Variants in RSL24D1 observed in about 807,000 individuals in gnomAD.
The protein encoded by RSL24D1 is probable ribosome biogenesis protein RLP24.
A neutral mutation model predicts 26.2 loss-of-function variants in RSL24D1; 6 were observed. That is an observed-to-expected ratio of 0.23 (90% CI 0.13 to 0.45). The LOEUF (loss-of-function observed/expected upper bound fraction) is 0.45, where lower values mean the gene tolerates loss of function less well. Ranked by LOEUF, RSL24D1 falls within the 20% of genes least tolerant of loss-of-function variation. The pLI is 0.99. For synonymous variants in RSL24D1, 61 were observed against 59.1 expected (o/e 1.03, Z -0.15); for missense variants, 176 against 202.6 (o/e 0.87, Z 0.80).
intron 1 of RSL24D1, chr15:55,196,512 C>A (rs1894358925): frequency 1.7e-6 from 1 of 575,786 alleles, no homozygotes. Flanking sequence ...AGTGGCCAAA[C>A]AGCCCTCACA....
chr15:55,191,835 G>A (rs969725586), intron 2 of RSL24D1, among the ~76,000 whole-genome samples: 5 of 152,198 alleles, frequency 3.3e-5, no homozygotes, highest in African/African-American at 1.2e-4. Flanking sequence ...TCAGCCACGA[G>A]GTAAATGGTA....
chr15:55,181,234 T>A lies in RSL24D1; in HGVS notation c.*918A>T, dbSNP rs1456272894. On this transcript the variant is annotated 3_prime_UTR_variant, in exon 6 of 6. Transcript: ENST00000260443. ...AAATGTATCTCCTACTTAAATGGGA[T>A]GTGTGGAGGAAGATTTCTTCTTCCA... is the stretch of plus-strand genomic sequence containing the variant. The A allele has an allele frequency of 6.6e-6, 1 of 152,430 alleles. No individual in the cohort carries two copies. Among genetic ancestry groups the A allele is most frequent in the Non-Finnish European group, 1.5e-5 (1 of 68,034 alleles). The allele number at this position is 152,430 out of a possible 1,614,324, so 9.4% of individuals were successfully genotyped here. A position where few individuals can be genotyped will look rare whatever the true frequency, so the allele number is the denominator to read the frequency against.
chr15:55,188,083 T>C (rs1894242628), intron 3 of RSL24D1, among the ~76,000 whole-genome samples: 1 of 152,216 alleles, frequency 6.6e-6, no homozygotes, highest in Non-Finnish European at 1.5e-5. Context: ...ACAAAGGTTG[T>C]TTAATCCATA....
Position 55,196,720 on chromosome 15 carries a change from C to T in RSL24D1, c.81+90G>A, listed in dbSNP as rs551411654. ...CAACGGGAGGAACCCGGGCCAAACA[C>T]GGCAGACGCAGAAGCACCCAGCACC... On this transcript the variant is annotated intron_variant, in intron 1 of 5. Transcript: ENST00000260443. 3.2e-6 allele frequency: 4 copies of T among 1,269,284 alleles called. No individual in the cohort carries two copies. In the Admixed American group the frequency reaches 5.5e-5, roughly 17 times the overall value. The allele number at this position is 1,269,284 out of a possible 1,614,324, so 78.6% of individuals were successfully genotyped here.
intron 3 of RSL24D1, among the ~76,000 whole-genome samples, chr15:55,187,941 T>A (rs1894241047): frequency 6.6e-6 from 1 of 151,004 alleles, no homozygotes; most frequent in African/African-American, 2.4e-5. Context: ...AAATAAAAAA[T>A]AAAAAAAAAT....
chr15:55,182,676 G>GA (rs1468025761), intron 5 of RSL24D1, among the ~76,000 whole-genome samples: 1 of 152,026 alleles, frequency 6.6e-6, no homozygotes, highest in African/African-American at 2.4e-5. Flanking sequence ...ATGTATATGT[G>GA]AAACAAATGC....
intron 3 of RSL24D1, among the ~76,000 whole-genome samples, chr15:55,190,156 G>A (rs1894276867): frequency 6.7e-6 from 1 of 150,338 alleles, no homozygotes; most frequent in African/African-American, 2.5e-5. Flanking sequence ...GCTGAGGCAG[G>A]AGAATTGCTT....
chr15:55,184,287 C>T (rs2140589937), intron 4 of RSL24D1, among the ~76,000 whole-genome samples: 1 of 152,322 alleles, frequency 6.6e-6, no homozygotes, highest in East Asian at 1.9e-4. Flanking sequence ...AATGACATGA[C>T]AGTCTGCCTG....
At chr15:55,186,525 T>C (rs1294318454) in intron 3 of RSL24D1, among the ~76,000 whole-genome samples, 2 of 152,098 alleles carry the variant, frequency 1.3e-5, no homozygotes, top group African/African-American at 2.4e-5. Context: ...CCAAACCTAA[T>C]CTGAAGGAAA....
chr15:55,185,479 A>C, intron 3 of RSL24D1, 54 bp from the exon 4 acceptor site: 13 of 1,206,194 alleles, frequency 1.1e-5, no homozygotes, highest in Non-Finnish European at 1.6e-5. Flanking sequence ...CGGTATGATC[A>C]ACAACTGCAT....
At chr15:55,195,247 G>A (rs1331038151) in intron 1 of RSL24D1, 1 of 152,094 alleles carries the variant, frequency 6.6e-6, no homozygotes, top group African/African-American at 2.4e-5. Flanking sequence ...TTAATTCACA[G>A]AGCAAAAAGA....
At chr15:55,185,010 T>C (rs1485927987) in intron 4 of RSL24D1, among the ~76,000 whole-genome samples, 1 of 152,154 alleles carries the variant, frequency 6.6e-6, no homozygotes, top group Non-Finnish European at 1.5e-5. Flanking sequence ...TCAGAATAAC[T>C]GGTGAGGTCT....
chr15:55,182,396 A>G (rs1894178293), intron 5 of RSL24D1, among the ~76,000 whole-genome samples, 171 bp from the exon 6 acceptor site: 2 of 152,320 alleles, frequency 1.3e-5, no homozygotes, highest in Admixed American at 6.5e-5. Flanking sequence ...TGCATCAAAT[A>G]AACATTCTAC....
chr15:55,181,822 T>C lies in RSL24D1; in HGVS notation c.*330A>G, dbSNP rs962184498. ...AAGAATATTTTATTTTATACATCAC[T>C]AGCCATGAATTTTTGCCATTAGTTA... On this transcript the variant is annotated 3_prime_UTR_variant, in exon 6 of 6. Coordinates refer to ENST00000260443, the MANE Select transcript of RSL24D1 (RefSeq NM_016304.3). 4.9e-6 allele frequency: 1 copy of C among 203,426 alleles called. No homozygotes were observed. Among genetic ancestry groups the C allele is most frequent in the East Asian group, 1.1e-4 (1 of 9,022 alleles). The allele number at this position is 203,426 out of a possible 1,614,324, so 12.6% of individuals were successfully genotyped here.
chr15:55,190,095 A>G (rs1039614662), intron 3 of RSL24D1, among the ~76,000 whole-genome samples: 9 of 152,112 alleles, frequency 5.9e-5, no homozygotes, highest in Admixed American at 5.9e-4. Flanking sequence ...TAAAAATACA[A>G]AAATTAGCCA....
At chr15:55,190,585 C>G (rs951569848) in intron 3 of RSL24D1, among the ~76,000 whole-genome samples, 2 of 152,102 alleles carry the variant, frequency 1.3e-5, no homozygotes, top group South Asian at 2.1e-4. Context: ...ATACAGAATA[C>G]AAGTTTATAT....
At chr15:55,185,093 G>A (rs1365487735) in intron 4 of RSL24D1, among the ~76,000 whole-genome samples, 1 of 152,008 alleles carries the variant, frequency 6.6e-6, no homozygotes, top group African/African-American at 2.4e-5. Context: ...ACCATACTGT[G>A]TTTATTTAAG....
chr15:55,187,132 T>G lies in RSL24D1; in HGVS notation c.269-1707A>C, dbSNP rs74561795. On this transcript the variant is annotated intron_variant, in intron 3 of 5. Coordinates refer to ENST00000260443, the MANE Select transcript of RSL24D1 (RefSeq NM_016304.3). The stretch of plus-strand genomic sequence containing the variant: ...CACACAAACCTACTATATCTGAATC[T>G]ACATTTTAACAAAAACCACCAGGAC... Among the ~76,000 whole-genome samples the G allele has an allele frequency of 9.2e-5, 14 of 152,220 alleles. 2 individuals are homozygous for G. In the East Asian group the frequency reaches 2.7e-3, roughly 29 times the overall value.
At position 55,185,290 on chromosome 15, in the gene RSL24D1, A is replaced by T. The variant is rs193116121; in HGVS notation, c.332+72T>A. 1,783 of 1,227,596 alleles carry T rather than the reference A, an allele frequency of 1.5e-3. 3 individuals are homozygous for T. The highest frequency in any genetic ancestry group is 6.7e-3 in the African/African-American group (423 of 62,930). The allele number at this position is 1,227,596 out of a possible 1,614,324, so 76.0% of individuals were successfully genotyped here. A position where few individuals can be genotyped will look rare whatever the true frequency, so the allele number is the denominator to read the frequency against. On this transcript the variant is annotated intron_variant, in intron 4 of 5. Coordinates refer to ENST00000260443, the MANE Select transcript of RSL24D1 (RefSeq NM_016304.3). The stretch of plus-strand genomic sequence containing the variant: ...TTATGTCAAAATAAAAAATTTTTTT[A>T]AAAAATACTAATGCCTCTAAATATC...
Sources: gnomAD v4.1 joint callset for allele counts (sites outside exome capture counted in the v4.1 genomes callset) on GRCh38, gnomAD v4.1.1 for gene constraint, MANE v1.5 for transcripts, NCBI Gene and HGNC (gene_info 2026-07-23, HGNC 2026-07-21) for gene names.